The following SORCS1 variants were observed in gnomAD, a reference collection of about 807,000 sequenced individuals.
The protein encoded by SORCS1 is VPS10 domain-containing receptor SorCS1.
Under a neutral mutation model 146.1 loss-of-function variants are expected in SORCS1, and 60 were observed. The ratio of observed to expected loss-of-function variants is 0.41; its 90% confidence interval spans 0.33 to 0.51. The LOEUF is 0.51. Ranked by LOEUF, SORCS1 falls within the 20% of genes least tolerant of loss-of-function variation. The pLI, the probability that SORCS1 is intolerant of heterozygous loss-of-function variation, is 0.21. For missense variants in SORCS1, 1,352 were observed against 1,487.6 expected, an observed-to-expected ratio of 0.91 and a Z score of 1.50; for synonymous variants, 637 against 584.0, an observed-to-expected ratio of 1.09 and a Z score of -1.31.
intron 1 of SORCS1, among the ~76,000 whole-genome samples, chr10:107,033,436 G>A (rs978555183): frequency 1.3e-5 from 2 of 152,148 alleles, no homozygotes; most frequent in African/African-American, 4.8e-5. Flanking sequence ...TAAAGCCTCA[G>A]TCTCACAGCT....
chr10:106,761,285 T>A (rs1859090267), intron 5 of SORCS1, among the ~76,000 whole-genome samples: 1 of 152,226 alleles, frequency 6.6e-6, no homozygotes, highest in Admixed American at 6.5e-5. Flanking sequence ...TAGATTTTTT[T>A]AAATGTCTGT....
chr10:106,658,828 C>A (rs1850502321), intron 17 of SORCS1, among the ~76,000 whole-genome samples: 1 of 152,192 alleles, frequency 6.6e-6, no homozygotes, highest in Non-Finnish European at 1.5e-5. Flanking sequence ...GATTCTTCTA[C>A]CCCTGCATCC....
chr10:106,592,174 T>C (rs1255416794), intron 24 of SORCS1, among the ~76,000 whole-genome samples: 2 of 152,218 alleles, frequency 1.3e-5, no homozygotes, highest in African/African-American at 4.8e-5. Context: ...GCAAAGAGAA[T>C]TTCAGAAACA....
At chr10:106,776,822 A>T in intron 3 of SORCS1, 130 bp from the exon 4 acceptor site, 1 of 848,554 alleles carries the variant, frequency 1.2e-6, no homozygotes, top group Non-Finnish European at 1.8e-6. Flanking sequence ...CCAAACAGGG[A>T]CCTTGACTCT....
At chr10:106,782,643 C>T (rs148074230) in intron 3 of SORCS1, among the ~76,000 whole-genome samples, 6 of 152,306 alleles carry the variant, frequency 3.9e-5, no homozygotes, top group African/African-American at 1.2e-4. Context: ...AAAAAGAAAA[C>T]GTATAGGACA....
chr10:106,708,003 A>C (rs1353621612), intron 7 of SORCS1, among the ~76,000 whole-genome samples: 2 of 152,224 alleles, frequency 1.3e-5, no homozygotes, highest in African/African-American at 4.8e-5. Context: ...CAGGATGTTC[A>C]TGGTGGCATG....
intron 17 of SORCS1, among the ~76,000 whole-genome samples, chr10:106,664,599 G>GTT: frequency 1.3e-5 from 2 of 152,080 alleles, no homozygotes; most frequent in Admixed American, 6.6e-5. Flanking sequence ...CCGAGATCGT[G>GTT]CCACTGCACT....
At chr10:107,097,292 T>C (rs1368443719) in intron 1 of SORCS1, among the ~76,000 whole-genome samples, 1 of 152,250 alleles carries the variant, frequency 6.6e-6, no homozygotes, top group Non-Finnish European at 1.5e-5. Context: ...ATCTTTCATC[T>C]GATTTCTTTG....
At chr10:107,134,297 A>C (rs1967092388) in intron 1 of SORCS1, among the ~76,000 whole-genome samples, 1 of 152,194 alleles carries the variant, frequency 6.6e-6, no homozygotes, top group Admixed American at 6.5e-5. Context: ...ACTCCTACTG[A>C]CCAGCCTCCC....
At chr10:106,751,094 A>T (rs1355716432) in intron 5 of SORCS1, among the ~76,000 whole-genome samples, 3 of 141,548 alleles carry the variant, frequency 2.1e-5, no homozygotes, top group African/African-American at 8.2e-5. Flanking sequence ...AAAAAAAAAA[A>T]TGCGGAGGAG....
intron 23 of SORCS1, 93 bp downstream of exon 23, chr10:106,607,073 T>A (rs1317338708): frequency 2.6e-5 from 39 of 1,520,418 alleles, no homozygotes; most frequent in Non-Finnish European, 3.3e-5. Context: ...GTAGTTAGGA[T>A]CACCAGTTTA....
At chr10:106,985,605 G>A (rs1956436788) in intron 1 of SORCS1, among the ~76,000 whole-genome samples, 1 of 143,922 alleles carries the variant, frequency 6.9e-6, no homozygotes, top group African/African-American at 2.6e-5. Flanking sequence ...GCACGATCTT[G>A]GCTCACTGCA....
At chr10:106,678,383 A>T (rs1432049018) in intron 12 of SORCS1, among the ~76,000 whole-genome samples, 1 of 152,182 alleles carries the variant, frequency 6.6e-6, no homozygotes. Flanking sequence ...CGCTCAAAAT[A>T]TCAGAATCCC....
intron 10 of SORCS1, among the ~76,000 whole-genome samples, chr10:106,686,091 C>A (rs748558784): frequency 1.2e-4 from 18 of 152,054 alleles, no homozygotes; most frequent in Non-Finnish European, 2.2e-4. Context: ...TATTTTACCT[C>A]AAAATAAAGT....
chr10:107,030,485 G>A (rs1958599928), intron 1 of SORCS1, among the ~76,000 whole-genome samples: 1 of 152,298 alleles, frequency 6.6e-6, no homozygotes, highest in South Asian at 2.1e-4. Flanking sequence ...CACACCCATA[G>A]CTCTGCTATC....
At chr10:107,073,549 T>C (rs1416960683) in intron 1 of SORCS1, among the ~76,000 whole-genome samples, 1 of 152,196 alleles carries the variant, frequency 6.6e-6, no homozygotes, top group Non-Finnish European at 1.5e-5. Flanking sequence ...GTTCAAAATG[T>C]CTGATATGTA....
At chr10:106,839,587 G>C (rs1172714904) in intron 2 of SORCS1, among the ~76,000 whole-genome samples, 1 of 152,210 alleles carries the variant, frequency 6.6e-6, no homozygotes, top group Non-Finnish European at 1.5e-5. Context: ...AGAAAATCTA[G>C]CTAAGATCAT....
chr10:106,956,024 G>A (rs147763845), intron 2 of SORCS1, among the ~76,000 whole-genome samples: 73 of 152,198 alleles, frequency 4.8e-4, no homozygotes, highest in African/African-American at 1.6e-3. Context: ...CAGCTACTCG[G>A]GAGGCTGAGG....
At chr10:106,944,874 CT>C (rs765355110) in intron 2 of SORCS1, among the ~76,000 whole-genome samples, 517 of 36,562 alleles carry the variant, frequency 0.014, no homozygotes, top group African/African-American at 0.033. Flanking sequence ...AAAGAGCCTT[CT>C]TTTTTTTTTT....
Sources: allele counts gnomAD v4.1 joint callset (sites outside exome capture counted in the v4.1 genomes callset), GRCh38; gene constraint gnomAD v4.1.1; transcripts MANE v1.5; gene names NCBI Gene and HGNC (gene_info 2026-07-23, HGNC 2026-07-21).